Variants in GRIP1 observed in about 807,000 individuals in gnomAD.
GRIP1 encodes the protein glutamate receptor-interacting protein 1.
GRIP1 carries 45 observed loss-of-function variants against 129.9 expected under a neutral mutation model. The ratio of observed to expected loss-of-function variants is 0.35; its 90% CI spans 0.27 to 0.44. The LOEUF (loss-of-function observed/expected upper bound fraction) is 0.44, where lower values mean the gene tolerates loss of function less well. GRIP1 is among the 20% of genes least tolerant of loss of function. The pLI is 1.00. For synonymous variants in GRIP1, 530 were observed against 520.8 expected, an observed-to-expected ratio of 1.02 and a Z score of -0.24; for missense variants, 1,196 against 1,396.8, an observed-to-expected ratio of 0.86 and a Z score of 2.29.
chr12:66,574,787 CTTT>C (rs34596150), intron 2 of GRIP1, among the ~76,000 whole-genome samples: 19 of 110,550 alleles, frequency 1.7e-4, no homozygotes, highest in South Asian at 5.7e-4. Context: ...TCCCACTTTT[CTTT>C]TTTTTTTTTT....
chr12:67,012,028 C>T (rs1420890386), intron 1 of GRIP1, among the ~76,000 whole-genome samples: 1 of 152,202 alleles, frequency 6.6e-6, no homozygotes, highest in African/African-American at 2.4e-5. Flanking sequence ...AGGGACAAGA[C>T]TGTTTTACCC....
intron 1 of GRIP1, among the ~76,000 whole-genome samples, chr12:66,964,636 C>T (rs2041970064): frequency 6.6e-6 from 1 of 152,156 alleles, no homozygotes; most frequent in South Asian, 2.1e-4. Flanking sequence ...ATTTTGCTCT[C>T]CATCATGAGG....
chr12:66,807,034 GA>G (rs1274641284), upstream of GRIP1, among the ~76,000 whole-genome samples: 2 of 152,100 alleles, frequency 1.3e-5, no homozygotes, highest in African/African-American at 4.8e-5. Context: ...GGGTCACAGA[GA>G]ATGAAAGGAT....
intron 11 of GRIP1, among the ~76,000 whole-genome samples, chr12:66,454,454 T>C (rs1355078826): frequency 1.3e-5 from 2 of 152,216 alleles, no homozygotes; most frequent in Non-Finnish European, 2.9e-5. Context: ...ACAGACTCTC[T>C]AGACTATGAT....
intron 1 of GRIP1, among the ~76,000 whole-genome samples, chr12:66,947,687 G>A (rs1344745374): frequency 6.6e-6 from 1 of 152,174 alleles, no homozygotes; most frequent in African/African-American, 2.4e-5. Context: ...CATCAACAAG[G>A]CATTGTGAAC....
chr12:66,630,286 T>A (rs926623212), intron 1 of GRIP1: 1 of 151,812 alleles, frequency 6.6e-6, no homozygotes, highest in South Asian at 2.1e-4. Flanking sequence ...GAGGCAGAGG[T>A]TGAACCAGGA....
intron 2 of GRIP1, among the ~76,000 whole-genome samples, chr12:66,552,141 T>C (rs866328739): frequency 6.6e-6 from 1 of 152,186 alleles, no homozygotes; most frequent in Non-Finnish European, 1.5e-5. Flanking sequence ...GGGCCAAATG[T>C]TGCATCTTCA....
At chr12:66,991,028 C>G (rs1158904880) in intron 1 of GRIP1, among the ~76,000 whole-genome samples, 1 of 150,970 alleles carries the variant, frequency 6.6e-6, no homozygotes, top group Admixed American at 6.6e-5. Flanking sequence ...AATCCCAGCA[C>G]TTCGGGAGAC....
chr12:66,767,442 T>C (rs2037676508), intron 1 of GRIP1, among the ~76,000 whole-genome samples: 1 of 152,218 alleles, frequency 6.6e-6, no homozygotes, highest in African/African-American at 2.4e-5. Context: ...TAAAGAGTTA[T>C]TTCAACTGAA....
chr12:66,861,275 T>A (rs1031411857), intron 1 of GRIP1, among the ~76,000 whole-genome samples: 2 of 152,138 alleles, frequency 1.3e-5, no homozygotes, highest in Non-Finnish European at 2.9e-5. Flanking sequence ...TTTATAAATA[T>A]ACATGCCAGA....
chr12:66,415,032 T>C (rs1280688913), intron 15 of GRIP1, among the ~76,000 whole-genome samples: 1 of 150,622 alleles, frequency 6.6e-6, no homozygotes, highest in Non-Finnish European at 1.5e-5. Context: ...ATAAAAACCC[T>C]AGAAGAAAAT....
intron 2 of GRIP1, among the ~76,000 whole-genome samples, chr12:66,584,358 G>A (rs2063529124): frequency 6.6e-6 from 1 of 151,954 alleles, no homozygotes; most frequent in African/African-American, 2.4e-5. Context: ...GTATACATAT[G>A]TAACTAACCT....
chr12:66,563,532 T>C (rs2062616176), intron 2 of GRIP1: 1 of 158,424 alleles, frequency 6.3e-6, no homozygotes, highest in Non-Finnish European at 1.4e-5. Context: ...AGAGAGACAT[T>C]GATGCTGCAA....
At chr12:66,788,243 T>TC (rs993579710) in intron 1 of GRIP1, among the ~76,000 whole-genome samples, 1 of 152,066 alleles carries the variant, frequency 6.6e-6, no homozygotes, top group African/African-American at 2.4e-5. Context: ...AAAATACTTT[T>TC]TTTTTTTTTT....
intron 7 of GRIP1, among the ~76,000 whole-genome samples, chr12:66,476,408 T>C (rs577595519): frequency 3.3e-5 from 5 of 152,278 alleles, no homozygotes; most frequent in East Asian, 1.9e-4. Flanking sequence ...CAGGATCAGA[T>C]GGATTCACAG....
rs915390521 is a variant in GRIP1 at position 66,444,670 on chromosome 12, T to C, written c.1601A>G (p.Asp534Gly). Residue 534 changes from aspartate to glycine, a missense_variant, in exon 13 of 25, where the codon GAC (aspartate) becomes GGC (glycine). Coordinates refer to ENST00000359742, the MANE Select transcript of GRIP1 (RefSeq NM_001366722.1). ...VMAINGIPTE[D>G]STFEEASQLL... is the part of the protein sequence containing the mutation. ...CTGACTGGCTTCTTCGAAGGTGCTGTCTTCTGTTGGAATTCCATTGATGGC... is the reference window on the plus strand; with the variant it reads ...CTGACTGGCTTCTTCGAAGGTGCTGCCTTCTGTTGGAATTCCATTGATGGC... 6.2e-7 allele frequency: 1 copy of C among 1,614,056 alleles called. No homozygotes were observed. The highest frequency in any genetic ancestry group is 8.5e-7 in the Non-Finnish European group (1 of 1,179,932).
chr12:66,830,117 G>C (rs1481838349), intron 1 of GRIP1, among the ~76,000 whole-genome samples: 1 of 152,092 alleles, frequency 6.6e-6, no homozygotes, highest in Non-Finnish European at 1.5e-5. Context: ...TAACACATCA[G>C]ATACCATTTT....
At chr12:66,992,684 A>G (rs2042410841) in intron 1 of GRIP1, among the ~76,000 whole-genome samples, 1 of 152,228 alleles carries the variant, frequency 6.6e-6, no homozygotes, top group South Asian at 2.1e-4. Context: ...CTAAAAATAT[A>G]TTTTAAAGAA....
At chr12:66,747,523 A>G (rs2036987009) in intron 1 of GRIP1, among the ~76,000 whole-genome samples, 1 of 152,160 alleles carries the variant, frequency 6.6e-6, no homozygotes, top group Admixed American at 6.5e-5. Context: ...GGTAAAGCTT[A>G]AGAGAAAAAT....
Sources: gnomAD v4.1 joint callset for allele counts (sites outside exome capture counted in the v4.1 genomes callset) on GRCh38, gnomAD v4.1.1 for gene constraint, MANE v1.5 for transcripts, NCBI Gene and HGNC (gene_info 2026-07-23, HGNC 2026-07-21) for gene names.